BCO1: variants seen among roughly 807,000 people sequenced by gnomAD.
BCO1 encodes the protein beta,beta-carotene 15,15'-dioxygenase.
Under a neutral mutation model 56.3 loss-of-function variants are expected in BCO1, and 54 were observed. The observed-to-expected ratio is 0.96, with a 90% CI of 0.77 to 1.20. The LOEUF (loss-of-function observed/expected upper bound fraction) is 1.20. BCO1 is among the 50% of genes most tolerant of loss of function. The pLI is 0.00. For missense variants in BCO1, 801 were observed against 690.9 expected (o/e 1.16, Z -1.79); for synonymous variants, 318 against 266.1 (o/e 1.20, Z -1.90).
chr16:81,281,762 T>A (rs941357869), intron 8 of BCO1, among the ~76,000 whole-genome samples: 3 of 152,180 alleles, frequency 2.0e-5, no homozygotes, highest in African/African-American at 7.2e-5. Context: ...CAGTGGGTGC[T>A]GTCCAGGGAA....
rs369214485 is a variant in BCO1 at position 81,264,663 on chromosome 16, G to A, written c.495G>A (p.Ala165=). ...LEKVDYRKYV[A]VNLATSHPHY... ...AGGTTGATTATCGTAAATACGTGGC[G>A]GTAAATCTGGCAACGTCACATCCCC... Residue 165 remains alanine, a synonymous_variant, in exon 5 of 11, where the codon GCG becomes GCA. Transcript: ENST00000258168. 2.0e-5 allele frequency: 32 copies of A among 1,614,072 alleles called. No individual in the cohort carries two copies. Among genetic ancestry groups the A allele is most frequent in the African/African-American group, 5.3e-5 (4 of 75,004 alleles).
chr16:81,270,080 G>T lies in BCO1; in HGVS notation c.844-79G>T, dbSNP rs1395543717. The T allele has an allele frequency of 5.7e-6, 9 of 1,576,134 alleles. No homozygotes were observed. The African/African-American group carries it at 1.2e-4, about 21-fold the overall frequency. ...CTGAGCCTAGCTCCTGGCGGGGCTG[G>T]GTTTTGTTCAGCCCCCAGATGCCAC... On this transcript the variant is annotated intron_variant, in intron 6 of 10. Transcript: ENST00000258168.
intron 7 of BCO1, among the ~76,000 whole-genome samples, chr16:81,278,560 G>A (rs957885164): frequency 6.6e-6 from 1 of 152,164 alleles, no homozygotes; most frequent in Admixed American, 6.6e-5. Flanking sequence ...GGCTTCATGC[G>A]GCAGACAAGC....
chr16:81,241,416 A>G (rs578157038), intron 1 of BCO1, among the ~76,000 whole-genome samples: 1 of 152,322 alleles, frequency 6.6e-6, no homozygotes, highest in African/African-American at 2.4e-5. Context: ...ATCCTTGGAA[A>G]TGTTAGAAAA....
At chr16:81,250,111 C>T (rs967386702) in intron 2 of BCO1, among the ~76,000 whole-genome samples, 4 of 152,160 alleles carry the variant, frequency 2.6e-5, no homozygotes, top group African/African-American at 4.8e-5. Context: ...CAGCCCTCCC[C>T]GTCACTCCTG....
intron 2 of BCO1, among the ~76,000 whole-genome samples, chr16:81,248,910 G>A (rs1597347067): frequency 6.6e-6 from 1 of 152,102 alleles, no homozygotes; most frequent in South Asian, 2.1e-4. Context: ...TACTTGGGAG[G>A]CTGAGATAGG....
At chr16:81,289,261 G>A (rs1322436266) in intron 10 of BCO1, among the ~76,000 whole-genome samples, 1 of 152,206 alleles carries the variant, frequency 6.6e-6, no homozygotes, top group Non-Finnish European at 1.5e-5. Context: ...TTCAGAGTGA[G>A]TATTGAGAGT....
At chr16:81,240,659 C>T (rs1177302506) in intron 1 of BCO1, among the ~76,000 whole-genome samples, 1 of 151,678 alleles carries the variant, frequency 6.6e-6, no homozygotes, top group Non-Finnish European at 1.5e-5. Flanking sequence ...GAGCTGAGAT[C>T]GTGCCACTGC....
intron 2 of BCO1, among the ~76,000 whole-genome samples, chr16:81,251,032 GC>G (rs1414862579): frequency 1.3e-5 from 2 of 152,158 alleles, no homozygotes; most frequent in African/African-American, 4.8e-5. Context: ...TAGCCTGGCT[GC>G]CCAGGCCTAA....
intron 8 of BCO1, among the ~76,000 whole-genome samples, chr16:81,283,749 T>C (rs187512639): frequency 2.9e-4 from 44 of 152,304 alleles, no homozygotes; most frequent in Non-Finnish European, 2.5e-4. Context: ...TCCATGGATG[T>C]ATCTCTGCTT....
chr16:81,264,155 G>C (rs1392803562), intron 4 of BCO1: 1 of 201,248 alleles, frequency 5.0e-6, no homozygotes, highest in Non-Finnish European at 1.0e-5. Context: ...TCGTCTAAGA[G>C]AGGCCTAGAG....
chr16:81,261,302 C>A (rs1303687367), intron 3 of BCO1, among the ~76,000 whole-genome samples: 1 of 152,198 alleles, frequency 6.6e-6, no homozygotes, highest in Non-Finnish European at 1.5e-5. Flanking sequence ...CCATAAACCC[C>A]TCTGGTTTTT....
At chr16:81,256,244 C>T (rs1424180342) in intron 2 of BCO1, among the ~76,000 whole-genome samples, 2 of 152,020 alleles carry the variant, frequency 1.3e-5, no homozygotes, top group Admixed American at 6.6e-5. Flanking sequence ...GGTGCTCAAT[C>T]GATGCTGGCT....
In BCO1 at chr16:81,254,002, C is replaced by T. The variant is rs187652496; in HGVS notation, c.194-5674C>T. Among the ~76,000 whole-genome samples the T allele has an allele frequency of 9.5e-4, 145 of 152,240 alleles. 1 individual carries two copies. The highest frequency in any genetic ancestry group is 3.3e-3 in the African/African-American group (138 of 41,546). On this transcript the variant is annotated intron_variant, in intron 2 of 10. Transcript: ENST00000258168. ...AATATCTCAGTGACACTTATTCACA[C>T]AGTAACCACCCCTGAAAAGATGTTT...
intron 2 of BCO1, among the ~76,000 whole-genome samples, chr16:81,255,614 C>T (rs1906085366): frequency 6.6e-6 from 1 of 151,664 alleles, no homozygotes. Context: ...ATTCTCCTGC[C>T]TCAGCCTCCC....
rs1567704502 is a variant in BCO1, at chr16:81,259,655, AT to A, written c.194-20del. On this transcript the variant is annotated intron_variant, in intron 2 of 10. Coordinates refer to ENST00000258168, the MANE Select transcript of BCO1 (RefSeq NM_017429.3). ...CCTGTGAAGGCGTCAGCCTGAGATT[AT>A]GCTGGTTCTTCTCTTGCAGGTGAAG... The A allele has an allele frequency of 3.7e-6, 6 of 1,614,198 alleles. No individual in the cohort carries two copies. The highest frequency in any genetic ancestry group is 3.3e-4 in the Middle Eastern group (2 of 6,062).
chr16:81,264,818 C>T lies in BCO1; in HGVS notation c.619+31C>T, dbSNP rs375261365. The T allele has an allele frequency of 2.5e-4, 407 of 1,612,686 alleles. 1 individual carries two copies. Among genetic ancestry groups the T allele is most frequent in the Non-Finnish European group, 3.2e-4 (382 of 1,178,912 alleles). On this transcript the variant is annotated intron_variant, in intron 5 of 10. Coordinates refer to ENST00000258168, the MANE Select transcript of BCO1 (RefSeq NM_017429.3). ...CCACTCTGGGGAATTGAATAAAACA[C>T]AAACAACCAAGTGTGGCTTCTTCTG...
In BCO1 at chr16:81,270,325, T is replaced by G; in HGVS notation, c.1010T>G (p.Leu337Arg). The G allele has an allele frequency of 1.9e-6, 3 of 1,614,136 alleles. No homozygotes were observed. Among genetic ancestry groups the G allele is most frequent in the Non-Finnish European group, 2.5e-6 (3 of 1,180,024 alleles). Residue 337 changes from leucine to arginine, a missense_variant, in exon 7 of 11, where the codon CTG (leucine) becomes CGG (arginine). Coordinates refer to ENST00000258168, the MANE Select transcript of BCO1 (RefSeq NM_017429.3). Reference protein sequence around the residue: ...EDNSLYQLFYLANLNQDFKEN... With the variant: ...EDNSLYQLFYRANLNQDFKEN... ...AACAGCCTCTACCAGCTCTTCTACC[T>G]GGCCAACCTGAACCAGGACTTCAAG... is the stretch of plus-strand genomic sequence containing the variant.
At chr16:81,268,158 G>C in intron 6 of BCO1, 27 bp downstream of exon 6, 1 of 1,587,048 alleles carries the variant, frequency 6.3e-7, no homozygotes, top group African/African-American at 1.3e-5. Context: ...CTCTAGCCCA[G>C]TGGGTGCTGG....
Sources: allele counts gnomAD v4.1 joint callset (sites outside exome capture counted in the v4.1 genomes callset), GRCh38; gene constraint gnomAD v4.1.1; transcripts MANE v1.5; gene names NCBI Gene and HGNC (gene_info 2026-07-23, HGNC 2026-07-21).